Variants in SYTL2 observed in about 807,000 individuals in gnomAD.
SYTL2 encodes the protein synaptotagmin like 2.
A neutral mutation model predicts 198.7 loss-of-function variants in SYTL2; 165 were observed. The ratio of observed to expected loss-of-function variants is 0.83; its 90% confidence interval spans 0.73 to 0.94. The LOEUF (loss-of-function observed/expected upper bound fraction) is 0.94. Ranked by LOEUF, SYTL2 falls within the 40% of genes least tolerant of loss-of-function variation. SYTL2 has a pLI of 0.00. For missense variants in SYTL2, 2,835 were observed against 2,582.8 expected, an observed-to-expected ratio of 1.10 and a Z score of -2.12; for synonymous variants, 966 against 917.7, an observed-to-expected ratio of 1.05 and a Z score of -0.95.
At chr11:85,755,541 CT>C (rs1219423437) in intron 2 of SYTL2, among the ~76,000 whole-genome samples, 6 of 152,172 alleles carry the variant, frequency 3.9e-5, no homozygotes, top group African/African-American at 1.4e-4. Context: ...AACACCAACA[CT>C]AGGAAGGGAC....
At chr11:85,747,122 G>A (rs2091205425) in intron 3 of SYTL2, among the ~76,000 whole-genome samples, 1 of 152,182 alleles carries the variant, frequency 6.6e-6, no homozygotes, top group Admixed American at 6.5e-5. Context: ...CAACCAGTAA[G>A]TATTTAATGA....
At chr11:85,844,730 G>A in the SYTL2 span, among the ~76,000 whole-genome samples, 1 of 152,076 alleles carries the variant, frequency 6.6e-6, no homozygotes, top group Non-Finnish European at 1.5e-5. Context: ...GTGACCCTTA[G>A]GCAAAAGAAA....
intron 13 of SYTL2, 94 bp downstream of exon 13, chr11:85,711,019 T>TA (rs2086172742): frequency 7.4e-7 from 1 of 1,354,404 alleles, no homozygotes; most frequent in Non-Finnish European, 1.0e-6. Flanking sequence ...CCCTGAGAAA[T>TA]ACAGGAGGAG....
the SYTL2 span, among the ~76,000 whole-genome samples, chr11:85,823,806 G>A: frequency 1.3e-5 from 2 of 152,204 alleles, no homozygotes; most frequent in Non-Finnish European, 2.9e-5. Context: ...TACTTCTTAA[G>A]GCACTAGCTC....
Position 85,726,846 on chromosome 11 carries a change from A to T in SYTL2, c.2512T>A (p.Ser838Thr), listed in dbSNP as rs958639720. 1 of 1,536,414 alleles carries T rather than the reference A, an allele frequency of 6.5e-7. No homozygotes were observed. The highest frequency in any genetic ancestry group is 8.7e-7 in the Non-Finnish European group (1 of 1,146,990). ...QPVKKSQGVSSMDSLSTDQSE... is the reference protein window; with the variant it reads ...QPVKKSQGVSTMDSLSTDQSE... ...TGGTCTGTAGATAAACTGTCCATGG[A>T]TGATACACCCTGTGACTTCTTCACA... The change falls in exon 8 of 20, where the codon TCC becomes ACC. Residue 838 changes from serine to threonine, a missense_variant. Physicochemically the swap from Ser to Thr is moderately conservative, Grantham distance 58 (BLOSUM62 1). Transcript: ENST00000359152.
intron 14 of SYTL2, chr11:85,708,085 C>T (rs1217431833): frequency 4.7e-6 from 2 of 422,058 alleles, no homozygotes; most frequent in Non-Finnish European, 9.3e-6. Context: ...ATCGCTTGAA[C>T]CCGGGAGGCG....
intron 1 of SYTL2, among the ~76,000 whole-genome samples, chr11:85,772,181 C>T (rs892731600): frequency 1.3e-5 from 2 of 152,170 alleles, no homozygotes; most frequent in Non-Finnish European, 2.9e-5. Flanking sequence ...ATTACAGGCA[C>T]GTGCCTGGCT....
chr11:85,853,479 C>T, the SYTL2 span: 1 of 309,374 alleles, frequency 3.2e-6, no homozygotes, highest in Non-Finnish European at 6.2e-6. Flanking sequence ...CCTTAAGAGT[C>T]ATCACCACTC....
At position 85,748,320 on chromosome 11, in the gene SYTL2, C is replaced by T. The variant is rs748958428; in HGVS notation, c.205G>A (p.Ala69Thr). The change falls in exon 3 of 20, where the codon GCA becomes ACA. Residue 69 changes from alanine (A) to threonine (T), a missense_variant. Physicochemically the swap from Ala to Thr is moderately conservative, Grantham distance 58 (BLOSUM62 0). Around this residue, in one of 3 missense-constraint regions of SYTL2, gnomAD observed 2,645 missense variants for 2,381.7 expected, o/e 1.11. Coordinates refer to ENST00000359152, the MANE Select transcript of SYTL2 (RefSeq NM_206927.4). ...CTCATAGATGCTCTGATGATATCTG[C>T]GCCATGGATTTTGTCCCTGTGCCTT... ...AKRHRDKIHGADIIRASMRKK... is the reference protein window; with the variant it reads ...AKRHRDKIHGTDIIRASMRKK... The T allele has an allele frequency of 1.4e-5, 22 of 1,613,892 alleles. No individual in the cohort carries two copies. Among genetic ancestry groups the T allele is most frequent in the African/African-American group, 6.7e-5 (5 of 74,922 alleles).
intron 1 of SYTL2, among the ~76,000 whole-genome samples, chr11:85,775,575 T>G (rs865852229): frequency 6.6e-6 from 1 of 152,116 alleles, no homozygotes; most frequent in South Asian, 2.1e-4. Context: ...CTCCACCTCC[T>G]GGGTTCAAGT....
In SYTL2 at chr11:85,777,812, C is replaced by CTTTTTTTTTTTT. The variant is rs57873368; in HGVS notation, c.-389-19710_-389-19699dup. ...CTTACCAGAATTACAGGTCTTACTT[C>CTTTTTTTTTTTT]TTTTTTTTTTTTTTTTTTTTTTTTT... On this transcript the variant is annotated intron_variant, in intron 1 of 19. Coordinates refer to ENST00000359152, the MANE Select transcript of SYTL2 (RefSeq NM_206927.4). Among the ~76,000 whole-genome samples, 45 of 63,330 alleles carry CTTTTTTTTTTTT rather than the reference C, an allele frequency of 7.1e-4. 5 individuals are homozygous for CTTTTTTTTTTTT. Among genetic ancestry groups the CTTTTTTTTTTTT allele is most frequent in the Admixed American group, 9.6e-4 (4 of 4,152 alleles). 41.5% of individuals were successfully genotyped at this position (63,330 alleles called of 152,430 possible).
At chr11:85,787,695 CTTTT>C (rs1295892633) in intron 1 of SYTL2, among the ~76,000 whole-genome samples, 17,532 of 102,080 alleles carry the variant, frequency 0.17, 1,086 homozygotes, top group Non-Finnish European at 0.24. Flanking sequence ...GTTTTTTTTT[CTTTT>C]CCTTTTTTTT....
intron 14 of SYTL2, among the ~76,000 whole-genome samples, chr11:85,708,755 G>A (rs149350412): frequency 1.8e-3 from 273 of 149,132 alleles, no homozygotes; most frequent in African/African-American, 6.4e-3. Context: ...TGGTCCTTGC[G>A]TTCTTATCTG....
chr11:85,804,491 T>C (rs540602010), intron 1 of SYTL2, among the ~76,000 whole-genome samples: 60 of 152,302 alleles, frequency 3.9e-4, no homozygotes, highest in African/African-American at 1.4e-3. Flanking sequence ...TTATTTAAAT[T>C]ATATGGGCCT....
intron 1 of SYTL2, among the ~76,000 whole-genome samples, chr11:85,770,573 C>T (rs1317352686): frequency 6.6e-6 from 1 of 152,190 alleles, no homozygotes; most frequent in Non-Finnish European, 1.5e-5. Flanking sequence ...ATCCAATCTT[C>T]TTTCCTACAG....
At chr11:85,816,423 A>G in the SYTL2 span, among the ~76,000 whole-genome samples, 4,468 of 152,308 alleles carry the variant, frequency 0.029, 251 homozygotes, top group African/African-American at 0.1. Context: ...TGAGGTACCT[A>G]GAATAGTCAA....
intron 9 of SYTL2, among the ~76,000 whole-genome samples, chr11:85,719,954 A>G (rs1305885262): frequency 6.6e-6 from 1 of 152,156 alleles, no homozygotes; most frequent in Non-Finnish European, 1.5e-5. Context: ...TCACTTGATA[A>G]TTTTTCTTAT....
chr11:85,743,160 G>T (rs1171661922), intron 4 of SYTL2, among the ~76,000 whole-genome samples: 1 of 152,162 alleles, frequency 6.6e-6, no homozygotes, highest in Non-Finnish European at 1.5e-5. Flanking sequence ...AATACTGACA[G>T]GTATTGAGTC....
chr11:85,720,994 T>TA, intron 8 of SYTL2, 35 bp from the exon 9 acceptor site: 1 of 1,231,560 alleles, frequency 8.1e-7, no homozygotes, highest in Non-Finnish European at 1.1e-6. Flanking sequence ...CACTGCACAA[T>TA]ACCAAAAAAA....
Sources: allele counts gnomAD v4.1 joint callset (sites outside exome capture counted in the v4.1 genomes callset), GRCh38; gene constraint gnomAD v4.1.1; regional missense constraint gnomAD v4.1.1; transcripts MANE v1.5; gene names NCBI Gene and HGNC (gene_info 2026-07-23, HGNC 2026-07-21).